CCSER1: variants seen among roughly 807,000 people sequenced by gnomAD.
The protein encoded by CCSER1 is serine-rich coiled-coil domain-containing protein 1.
Under a neutral mutation model 82.0 loss-of-function variants are expected in CCSER1, and 41 were observed. That is an observed-to-expected ratio of 0.50 (90% confidence interval 0.39 to 0.65). CCSER1 has a LOEUF of 0.65. CCSER1 is among the 30% of genes least tolerant of loss of function. The probability of loss-of-function intolerance (pLI) is 0.00; values close to 1 mark genes in which losing one functional copy is unlikely to be tolerated. For synonymous variants in CCSER1, 414 were observed against 383.9 expected (o/e 1.08, Z -0.92); for missense variants, 1,119 against 1,064.2 (o/e 1.05, Z -0.72).
chr4:91,115,857 A>ATT (rs1309431041), intron 10 of CCSER1, among the ~76,000 whole-genome samples: 9 of 70,534 alleles, frequency 1.3e-4, no homozygotes, highest in Non-Finnish European at 2.2e-4. Context: ...ATATATATAT[A>ATT]TATTTTTTTT....
At chr4:90,627,080 A>G (rs1332265482) in intron 5 of CCSER1, among the ~76,000 whole-genome samples, 1 of 152,176 alleles carries the variant, frequency 6.6e-6, no homozygotes, top group Non-Finnish European at 1.5e-5. Context: ...AATGTTAGCC[A>G]TAATTTTTTA....
At chr4:91,402,523 T>G (rs1334230168) in intron 10 of CCSER1, among the ~76,000 whole-genome samples, 1 of 152,208 alleles carries the variant, frequency 6.6e-6, no homozygotes, top group Non-Finnish European at 1.5e-5. Context: ...TTTTTATGGT[T>G]TTAGGTCTAA....
At chr4:90,236,187 G>A (rs1376002579) in intron 1 of CCSER1, among the ~76,000 whole-genome samples, 1 of 152,096 alleles carries the variant, frequency 6.6e-6, no homozygotes. Flanking sequence ...CTGTGGCCTC[G>A]CAAAATGTTG....
At chr4:90,562,517 G>A (rs978809663) in intron 5 of CCSER1, among the ~76,000 whole-genome samples, 1 of 152,020 alleles carries the variant, frequency 6.6e-6, no homozygotes, top group African/African-American at 2.4e-5. Context: ...ATTGAAATAA[G>A]ACACAGATAC....
At chr4:90,702,480 GCC>G (rs1738366991) in intron 6 of CCSER1, among the ~76,000 whole-genome samples, 1 of 152,096 alleles carries the variant, frequency 6.6e-6, no homozygotes, top group Non-Finnish European at 1.5e-5. Flanking sequence ...GATGATGCTG[GCC>G]TCAGAAAATG....
At chr4:90,241,584 C>A (rs1050186258) in intron 1 of CCSER1, among the ~76,000 whole-genome samples, 1 of 152,048 alleles carries the variant, frequency 6.6e-6, no homozygotes. Context: ...AAAAAAAATC[C>A]TTTCTAGAAA....
At chr4:90,646,768 C>T (rs1371090610) in intron 6 of CCSER1, among the ~76,000 whole-genome samples, 2 of 152,030 alleles carry the variant, frequency 1.3e-5, no homozygotes, top group African/African-American at 4.8e-5. Context: ...TTTTAATGAC[C>T]CACCCTTTCC....
intron 10 of CCSER1, among the ~76,000 whole-genome samples, chr4:91,425,894 A>G (rs1314166364): frequency 6.6e-6 from 1 of 152,158 alleles, no homozygotes; most frequent in East Asian, 1.9e-4. Context: ...TCCTACCACA[A>G]TTTTTAAAAT....
chr4:91,411,491 C>CATATATATATACATAT (rs1753022362), intron 10 of CCSER1, among the ~76,000 whole-genome samples: 1 of 53,812 alleles, frequency 1.9e-5, no homozygotes, highest in African/African-American at 8.0e-5. Context: ...TGCATATATA[C>CATATATATATACATAT]ATATATATAT....
At chr4:90,675,241 A>G (rs995947912) in intron 6 of CCSER1, among the ~76,000 whole-genome samples, 6 of 152,078 alleles carry the variant, frequency 3.9e-5, no homozygotes, top group Admixed American at 3.3e-4. Flanking sequence ...AATATCAACT[A>G]TTATTTATAA....
intron 10 of CCSER1, among the ~76,000 whole-genome samples, chr4:91,170,906 C>T (rs1320819503): frequency 4.6e-5 from 7 of 152,162 alleles, no homozygotes; most frequent in Admixed American, 3.9e-4. Context: ...TCTTTATCTT[C>T]CTATGCACAA....
rs573497977 is a variant in CCSER1, at chr4:90,964,928, T to C, written c.2172+41481T>C. ...TTTCTCTACCTCATGTGCAGTTGCC[T>C]TGCTATCCGGTGACCTTGCAACAAA... On this transcript the variant is annotated intron_variant, in intron 9 of 10. Coordinates refer to ENST00000509176, the MANE Select transcript of CCSER1 (RefSeq NM_001145065.2). Among the ~76,000 whole-genome samples the C allele has an allele frequency of 2.1e-4, 32 of 152,096 alleles. 2 individuals carry two copies. The highest frequency in any genetic ancestry group is 7.7e-4 in the African/African-American group (32 of 41,434).
intron 3 of CCSER1, 86 bp downstream of exon 3, chr4:90,313,133 T>TA: frequency 9.1e-7 from 1 of 1,096,866 alleles, no homozygotes; most frequent in South Asian, 1.4e-5. Flanking sequence ...GAACACAGAC[T>TA]ACAGGATAGA....
intron 1 of CCSER1, among the ~76,000 whole-genome samples, chr4:90,294,059 T>A (rs1731408150): frequency 6.6e-6 from 1 of 151,994 alleles, no homozygotes; most frequent in East Asian, 1.9e-4. Flanking sequence ...GTTGTTAAAA[T>A]AAATTGACTT....
intron 1 of CCSER1, among the ~76,000 whole-genome samples, chr4:90,184,474 G>T (rs552011226): frequency 4.7e-4 from 71 of 152,202 alleles, no homozygotes; most frequent in African/African-American, 1.6e-3. Flanking sequence ...GAGCATGGAG[G>T]GTAGGGAAGC....
intron 10 of CCSER1, among the ~76,000 whole-genome samples, chr4:91,179,110 T>A (rs6840168): frequency 0.73 from 110,968 of 152,072 alleles, 40,764 homozygotes; most frequent in Non-Finnish European, 0.78. Context: ...CTTTTCTTTA[T>A]GAATGGTGAA....
intron 10 of CCSER1, among the ~76,000 whole-genome samples, chr4:91,550,212 G>C (rs951802326): frequency 9.2e-5 from 14 of 152,126 alleles, no homozygotes; most frequent in African/African-American, 3.4e-4. Context: ...CCCTCCTCTT[G>C]CTGGAAGCAA....
At chr4:90,646,554 G>A (rs1464641024) in intron 6 of CCSER1, among the ~76,000 whole-genome samples, 1 of 152,092 alleles carries the variant, frequency 6.6e-6, no homozygotes, top group Non-Finnish European at 1.5e-5. Flanking sequence ...AAAAATACCA[G>A]GATGCATAAA....
intron 5 of CCSER1, among the ~76,000 whole-genome samples, chr4:90,504,000 T>G (rs1276299259): frequency 6.6e-6 from 1 of 152,158 alleles, no homozygotes; most frequent in African/African-American, 2.4e-5. Context: ...TATTTCCTTT[T>G]ACCTTTATCA....
Sources: allele counts gnomAD v4.1 joint callset (sites outside exome capture counted in the v4.1 genomes callset), GRCh38; gene constraint gnomAD v4.1.1; transcripts MANE v1.5; gene names NCBI Gene and HGNC (gene_info 2026-07-23, HGNC 2026-07-21).